CNTNAP2: variants seen among roughly 807,000 people sequenced by gnomAD.
CNTNAP2 encodes the protein contactin associated protein 2.
A neutral mutation model predicts 155.2 loss-of-function variants in CNTNAP2; 98 were observed. That is an observed-to-expected ratio of 0.63 (90% confidence interval 0.54 to 0.75). CNTNAP2 has a LOEUF of 0.75. CNTNAP2 is among the 30% of genes least tolerant of loss of function. The pLI, the probability that CNTNAP2 is intolerant of heterozygous loss-of-function variation, is 0.00. For synonymous variants in CNTNAP2, 651 were observed against 631.2 expected (o/e 1.03, Z -0.47); for missense variants, 1,727 against 1,688.1 (o/e 1.02, Z -0.40).
chr7:147,228,966 T>C (rs1256301458), intron 8 of CNTNAP2, among the ~76,000 whole-genome samples: 2 of 152,144 alleles, frequency 1.3e-5, no homozygotes, highest in Non-Finnish European at 2.9e-5. Context: ...TTCATTCATG[T>C]CCCTGTAAGA....
intron 10 of CNTNAP2, among the ~76,000 whole-genome samples, chr7:147,474,952 G>C (rs1019337650): frequency 3.3e-4 from 51 of 152,266 alleles, no homozygotes; most frequent in African/African-American, 1.2e-3. Flanking sequence ...ACAACAGCTA[G>C]AACAATCGTC....
chr7:147,883,096 G>T (rs2116718999), intron 13 of CNTNAP2, among the ~76,000 whole-genome samples: 1 of 152,228 alleles, frequency 6.6e-6, no homozygotes, highest in Non-Finnish European at 1.5e-5. Flanking sequence ...GTACTGAATT[G>T]TCATTGAGTG....
intron 1 of CNTNAP2, among the ~76,000 whole-genome samples, chr7:146,447,037 A>G (rs1286479663): frequency 2.0e-5 from 3 of 152,058 alleles, no homozygotes; most frequent in Non-Finnish European, 2.9e-5. Flanking sequence ...TATTATAAAG[A>G]GAAAAATTCA....
At chr7:147,004,627 T>C (rs1309101934) in intron 3 of CNTNAP2, among the ~76,000 whole-genome samples, 7 of 152,026 alleles carry the variant, frequency 4.6e-5, no homozygotes, top group Admixed American at 4.6e-4. Context: ...TAAACTGTCA[T>C]CGTATGGCGG....
At chr7:147,865,503 T>A (rs561458178) in intron 13 of CNTNAP2, among the ~76,000 whole-genome samples, 2 of 152,356 alleles carry the variant, frequency 1.3e-5, no homozygotes, top group East Asian at 3.9e-4. Flanking sequence ...GAAGGAATGA[T>A]ACCAGCTCCT....
intron 13 of CNTNAP2, among the ~76,000 whole-genome samples, chr7:147,782,043 T>A (rs1053681379): frequency 6.7e-6 from 1 of 148,278 alleles, no homozygotes; most frequent in Non-Finnish European, 1.5e-5. Context: ...AAAAAAATCC[T>A]CCATCAAAGT....
chr7:146,621,293 C>G (rs1381063642), intron 1 of CNTNAP2, among the ~76,000 whole-genome samples: 1 of 152,150 alleles, frequency 6.6e-6, no homozygotes, highest in Non-Finnish European at 1.5e-5. Flanking sequence ...CCCCTATTAA[C>G]TTTTTACCTT....
chr7:148,182,041 G>A (rs1436053082), intron 18 of CNTNAP2, among the ~76,000 whole-genome samples: 1 of 151,168 alleles, frequency 6.6e-6, no homozygotes, highest in African/African-American at 2.4e-5. Flanking sequence ...ACAGGCGTGA[G>A]CCACCGCGCC....
chr7:147,854,239 A>G (rs1390726231), intron 13 of CNTNAP2, among the ~76,000 whole-genome samples: 1 of 152,198 alleles, frequency 6.6e-6, no homozygotes, highest in African/African-American at 2.4e-5. Flanking sequence ...AAGAATAACA[A>G]TATAAGCTCA....
intron 3 of CNTNAP2, among the ~76,000 whole-genome samples, chr7:146,958,564 C>T (rs1039334671): frequency 6.6e-6 from 1 of 151,758 alleles, no homozygotes; most frequent in Non-Finnish European, 1.5e-5. Context: ...CAGGCACCCG[C>T]CACAACGCCC....
At chr7:148,186,178 A>G (rs1446634677) in intron 18 of CNTNAP2, among the ~76,000 whole-genome samples, 6 of 152,232 alleles carry the variant, frequency 3.9e-5, no homozygotes, top group Non-Finnish European at 7.3e-5. Flanking sequence ...CGTGGTTGAA[A>G]GGACTATTTC....
chr7:146,936,719 C>T (rs1056610485), intron 3 of CNTNAP2, among the ~76,000 whole-genome samples: 1 of 152,170 alleles, frequency 6.6e-6, no homozygotes, highest in Non-Finnish European at 1.5e-5. Flanking sequence ...CATACTTCAA[C>T]CAGTCATAGA....
intron 11 of CNTNAP2, among the ~76,000 whole-genome samples, chr7:147,524,958 C>G (rs907180700): frequency 1.3e-5 from 2 of 152,082 alleles, no homozygotes; most frequent in Non-Finnish European, 2.9e-5. Context: ...TGGGTGAAAC[C>G]TAGAAAGTGA....
chr7:147,931,539 C>T (rs1800504295), intron 14 of CNTNAP2, among the ~76,000 whole-genome samples: 2 of 152,194 alleles, frequency 1.3e-5, no homozygotes, highest in South Asian at 4.1e-4. Flanking sequence ...TGCAAAATTC[C>T]TTAATAAAAT....
intron 10 of CNTNAP2, among the ~76,000 whole-genome samples, chr7:147,450,510 A>G (rs1485413096): frequency 6.6e-6 from 1 of 152,222 alleles, no homozygotes; most frequent in Non-Finnish European, 1.5e-5. Context: ...CCTGACCTAT[A>G]GAAACTGTGA....
At chr7:146,828,058 C>A (rs549967099) in intron 2 of CNTNAP2, among the ~76,000 whole-genome samples, 176 of 152,016 alleles carry the variant, frequency 1.2e-3, no homozygotes, top group African/African-American at 3.9e-3. Context: ...ATTGGATTCT[C>A]AAGTATAAAA....
intron 4 of CNTNAP2, among the ~76,000 whole-genome samples, chr7:147,096,564 A>T (rs1217891835): frequency 6.6e-6 from 1 of 152,208 alleles, no homozygotes; most frequent in Non-Finnish European, 1.5e-5. Flanking sequence ...TAAAAGATCA[A>T]TAGAACGACA....
chr7:146,218,627 T>C (rs987933541), intron 1 of CNTNAP2, among the ~76,000 whole-genome samples: 1 of 152,142 alleles, frequency 6.6e-6, no homozygotes, highest in African/African-American at 2.4e-5. Context: ...GTGAGAAATC[T>C]GTAAGGACAT....
chr7:146,818,357 T>G (rs537014548), intron 2 of CNTNAP2, among the ~76,000 whole-genome samples: 33 of 152,176 alleles, frequency 2.2e-4, no homozygotes, highest in Non-Finnish European at 1.6e-4. Flanking sequence ...TGTTAAGTAG[T>G]TTATAGAATC....
Sources: gnomAD v4.1 joint callset for allele counts (sites outside exome capture counted in the v4.1 genomes callset) on GRCh38, gnomAD v4.1.1 for gene constraint, MANE v1.5 for transcripts, NCBI Gene and HGNC (gene_info 2026-07-23, HGNC 2026-07-21) for gene names.